HK2: variants seen among roughly 807,000 people sequenced by gnomAD.
The protein encoded by HK2 is hexokinase-2.
Under a neutral mutation model 92.9 loss-of-function variants are expected in HK2, and 42 were observed. That is an observed-to-expected ratio of 0.45 (90% CI 0.35 to 0.58). HK2 has a LOEUF of 0.58. Among genes scored for constraint, HK2 ranks in the 20% least tolerant of loss-of-function variants. The pLI, the probability that HK2 is intolerant of heterozygous loss-of-function variation, is 0.00. For synonymous variants in HK2, 422 were observed against 468.0 expected (o/e 0.90, Z 1.27); for missense variants, 978 against 1,245.1 (o/e 0.79, Z 3.23).
At chr2:74,870,824 G>T (rs1455929377) in intron 3 of HK2, among the ~76,000 whole-genome samples, 1 of 152,190 alleles carries the variant, frequency 6.6e-6, no homozygotes, top group Non-Finnish European at 1.5e-5. Flanking sequence ...TCTTGAAAAT[G>T]TTTTGGTTTG....
intron 1 of HK2, among the ~76,000 whole-genome samples, chr2:74,849,935 G>A (rs928686875): frequency 6.6e-6 from 1 of 152,240 alleles, no homozygotes; most frequent in Admixed American, 6.5e-5. Context: ...ACCTGAATGA[G>A]TCTGCTTTGA....
Position 74,891,220 on chromosome 2 carries a change from C to T in HK2, c.*279C>T. On this transcript the variant is annotated 3_prime_UTR_variant, in exon 18 of 18. Coordinates refer to ENST00000290573, the MANE Select transcript of HK2 (RefSeq NM_000189.5). ...ATGAAAATTATCTCCCTTAGTAATCCCCCTTGCCAAATTCCATGTCCCTGT... is the reference window on the plus strand; with the variant it reads ...ATGAAAATTATCTCCCTTAGTAATCTCCCTTGCCAAATTCCATGTCCCTGT... 4.4e-6 allele frequency: 2 copies of T among 449,768 alleles called. No homozygotes were observed. The highest frequency in any genetic ancestry group is 8.2e-6 in the Non-Finnish European group (2 of 242,992). The allele number at this position is 449,768 out of a possible 1,614,324, so 27.9% of individuals were successfully genotyped here. A position where few individuals can be genotyped will look rare whatever the true frequency, so the allele number is the denominator to read the frequency against.
At chr2:74,875,327 G>GTTTTT (rs61418530) in intron 7 of HK2, among the ~76,000 whole-genome samples, 8 of 112,078 alleles carry the variant, frequency 7.1e-5, no homozygotes, top group African/African-American at 1.4e-4. Flanking sequence ...CCTTGCTTTC[G>GTTTTT]TTTTTTTTTT....
At chr2:74,843,474 C>T (rs748516374) in intron 1 of HK2, among the ~76,000 whole-genome samples, 4 of 152,168 alleles carry the variant, frequency 2.6e-5, no homozygotes, top group Non-Finnish European at 5.9e-5. Context: ...GGGGTGGTCA[C>T]TCATTTTGTT....
chr2:74,862,956 G>A (rs1307946958), intron 2 of HK2, among the ~76,000 whole-genome samples: 1 of 152,200 alleles, frequency 6.6e-6, no homozygotes, highest in Non-Finnish European at 1.5e-5. Flanking sequence ...ATTGCCCAAA[G>A]CCACATGGCT....
intron 1 of HK2, among the ~76,000 whole-genome samples, chr2:74,840,233 T>C (rs1000163582): frequency 6.7e-6 from 1 of 149,784 alleles, no homozygotes; most frequent in African/African-American, 2.5e-5. Context: ...CTGGGATTAC[T>C]TTGGCGTGAG....
intron 2 of HK2, among the ~76,000 whole-genome samples, chr2:74,866,714 A>G (rs577065670): frequency 2.6e-4 from 39 of 152,056 alleles, no homozygotes; most frequent in African/African-American, 8.2e-4. Context: ...CTGCTCCCCC[A>G]CAGCTTTTCT....
Position 74,885,582 on chromosome 2 carries a change from G to C in HK2, c.1928G>C (p.Arg643Pro). Residue 643 changes from arginine to proline, a missense_variant, in exon 13 of 18, where the codon CGG becomes CCG. Transcript: ENST00000290573. Reference protein sequence around the residue: ...VVTLLKEAIHRREEFDLDVVA... With the variant: ...VVTLLKEAIHPREEFDLDVVA... The stretch of plus-strand genomic sequence containing the variant: ...ACCCTGCTGAAGGAAGCGATCCACC[G>C]GCGAGAGGTAGGAGACACATGGCAC... 1 of 1,610,540 alleles carries C rather than the reference G, an allele frequency of 6.2e-7. No individual in the cohort carries two copies. The highest frequency in any genetic ancestry group is 8.5e-7 in the Non-Finnish European group (1 of 1,176,730).
chr2:74,849,246 G>T (rs1688513060), intron 1 of HK2, among the ~76,000 whole-genome samples: 1 of 152,080 alleles, frequency 6.6e-6, no homozygotes, highest in South Asian at 2.1e-4. Flanking sequence ...TTGTCTTTAG[G>T]GCTTCCCCTG....
intron 1 of HK2, among the ~76,000 whole-genome samples, chr2:74,847,623 G>A (rs143520409): frequency 4.6e-5 from 7 of 152,306 alleles, no homozygotes; most frequent in Non-Finnish European, 8.8e-5. Flanking sequence ...GTTTAAGGCT[G>A]CAGCCTAGGA....
chr2:74,871,391 C>T (rs992240694), intron 3 of HK2, among the ~76,000 whole-genome samples: 2 of 152,226 alleles, frequency 1.3e-5, no homozygotes, highest in Admixed American at 1.3e-4. Flanking sequence ...TGCCCAGCCT[C>T]TTTGGCCTCT....
In HK2 at chr2:74,892,580, C is replaced by G. The variant is rs897393625; in HGVS notation, c.*1639C>G. 1 of 152,150 alleles carries G rather than the reference C, an allele frequency of 6.6e-6. No individual in the cohort carries two copies. Among genetic ancestry groups the G allele is most frequent in the Non-Finnish European group, 1.5e-5 (1 of 68,032 alleles). 9.4% of individuals were successfully genotyped at this position (152,150 alleles called of 1,614,324 possible). On this transcript the variant is annotated 3_prime_UTR_variant, in exon 18 of 18. Coordinates refer to ENST00000290573, the MANE Select transcript of HK2 (RefSeq NM_000189.5). ...GAAAGCCCGCCTCTGTCCTAAAATA[C>G]AAACAAGCACAGACATTAAACCTGG...
chr2:74,879,500 T>C (rs1689326917), intron 9 of HK2, among the ~76,000 whole-genome samples: 2 of 152,234 alleles, frequency 1.3e-5, no homozygotes, highest in South Asian at 4.1e-4. Context: ...GCAGGAGGCC[T>C]CAGCCCTGAG....
chr2:74,869,657 A>G (rs906981319), intron 3 of HK2, among the ~76,000 whole-genome samples: 11 of 152,222 alleles, frequency 7.2e-5, no homozygotes, highest in African/African-American at 2.7e-4. Context: ...TTTTCAGACC[A>G]GTAAGGAAAA....
chr2:74,849,888 A>T (rs1688526993), intron 1 of HK2, among the ~76,000 whole-genome samples: 1 of 152,100 alleles, frequency 6.6e-6, no homozygotes. Flanking sequence ...ATGCCAGAGC[A>T]CTCCTTTCAC....
chr2:74,882,376 T>A (rs1689419589), intron 12 of HK2, 137 bp downstream of exon 12: 1 of 1,291,906 alleles, frequency 7.7e-7, no homozygotes, highest in Admixed American at 1.7e-5. Flanking sequence ...GGGGAGGGGC[T>A]CCTTGATGGG....
chr2:74,838,111 G>A (rs1468852308), intron 1 of HK2, among the ~76,000 whole-genome samples: 1 of 152,116 alleles, frequency 6.6e-6, no homozygotes, highest in Non-Finnish European at 1.5e-5. Flanking sequence ...TAGTGTGTTT[G>A]AACCTTGCAT....
At chr2:74,849,068 A>G (rs553360349) in intron 1 of HK2, among the ~76,000 whole-genome samples, 25 of 152,336 alleles carry the variant, frequency 1.6e-4, no homozygotes, top group African/African-American at 5.8e-4. Context: ...TGGAGCCTCC[A>G]TGAATGTCCC....
chr2:74,880,098 G>T (rs1267913910), intron 9 of HK2, among the ~76,000 whole-genome samples, 167 bp from the exon 10 acceptor site: 1 of 152,172 alleles, frequency 6.6e-6, no homozygotes. Context: ...TATGGTTCTT[G>T]TAGTGGTTCC....
Sources: allele counts gnomAD v4.1 joint callset (sites outside exome capture counted in the v4.1 genomes callset), GRCh38; gene constraint gnomAD v4.1.1; transcripts MANE v1.5; gene names NCBI Gene and HGNC (gene_info 2026-07-23, HGNC 2026-07-21).